Variants in SUMF1 observed in about 807,000 individuals in gnomAD.
SUMF1 encodes the protein sulfatase modifying factor 1.
A neutral mutation model predicts 47.6 loss-of-function variants in SUMF1; 48 were observed. The ratio of observed to expected loss-of-function variants is 1.01; its 90% CI spans 0.80 to 1.28. SUMF1 has a LOEUF of 1.28. SUMF1 is among the 50% of genes most tolerant of loss of function. SUMF1 has a pLI of 0.00. For missense variants in SUMF1, 571 were observed against 485.4 expected, an observed-to-expected ratio of 1.18 and a Z score of -1.66; for synonymous variants, 230 against 192.1, an observed-to-expected ratio of 1.20 and a Z score of -1.63.
At chr3:4,243,281 T>C (rs1252221468) in intron 8 of SUMF1, among the ~76,000 whole-genome samples, 2 of 152,192 alleles carry the variant, frequency 1.3e-5, no homozygotes, top group East Asian at 3.8e-4. Context: ...GCTCTGATCT[T>C]AGTTATTTCT....
In SUMF1 at chr3:4,160,752, T is replaced by C. The variant is rs532824060; in HGVS notation, c.1015-92007A>G. ...GTGTTATCTCTAATTTCTTTGTGTT[T>C]CTTCAAAACAGCTATTTTGACTTCT... On this transcript the variant is annotated intron_variant and NMD_transcript_variant, in intron 8 of 12. Coordinates refer to the SUMF1 transcript ENST00000448413. 5.3e-5 allele frequency among the ~76,000 whole-genome samples: 8 copies of C among 152,270 alleles called. No individual in the cohort carries two copies. The East Asian group carries it at 9.7e-4, about 18-fold the overall frequency.
In SUMF1 at chr3:4,209,974, A is replaced by G. The variant is rs527337223; in HGVS notation, c.1015-141229T>C. ...CAGTGGCACGATCTCAGCTCACTGT[A>G]ACCTCCACCTCCTGGGTTCAAGCAA... On this transcript the variant is annotated intron_variant and NMD_transcript_variant, in intron 8 of 12. Coordinates refer to the SUMF1 transcript ENST00000448413. 2.6e-5 allele frequency among the ~76,000 whole-genome samples: 4 copies of G among 152,250 alleles called. No individual in the cohort carries two copies. In the South Asian group the frequency reaches 8.3e-4, roughly 32 times the overall value.
chr3:4,306,042 A>G (rs575590234), intron 8 of SUMF1, among the ~76,000 whole-genome samples: 1 of 151,810 alleles, frequency 6.6e-6, no homozygotes, highest in African/African-American at 2.4e-5. Flanking sequence ...AATATATGCA[A>G]GGTGGTGGGT....
intron 8 of SUMF1, among the ~76,000 whole-genome samples, chr3:4,208,613 C>G (rs772879607): frequency 3.3e-5 from 5 of 151,524 alleles, no homozygotes; most frequent in Admixed American, 6.6e-5. Context: ...GAGTAACAAG[C>G]GGAGAGACGA....
intron 9 of SUMF1, among the ~76,000 whole-genome samples, chr3:4,038,064 G>T (rs1010226540): frequency 6.6e-6 from 1 of 152,168 alleles, no homozygotes; most frequent in African/African-American, 2.4e-5. Context: ...TCCCACTTAA[G>T]AGCTGGCTGT....
intron 8 of SUMF1, chr3:4,316,588 A>C (rs1698660246): frequency 6.4e-7 from 1 of 1,551,506 alleles, no homozygotes; most frequent in Non-Finnish European, 8.7e-7. Context: ...GAGCTGACTG[A>C]AAATCAAAAA....
intron 8 of SUMF1, among the ~76,000 whole-genome samples, chr3:4,138,050 TC>T (rs1342698560): frequency 6.6e-6 from 1 of 151,816 alleles, no homozygotes; most frequent in East Asian, 1.9e-4. Flanking sequence ...TTAAGAAAAC[TC>T]CCCATTTATA....
At chr3:4,342,962 G>C (rs1031878405) in intron 8 of SUMF1, among the ~76,000 whole-genome samples, 3 of 152,214 alleles carry the variant, frequency 2.0e-5, no homozygotes, top group Non-Finnish European at 4.4e-5. Context: ...GCTCCCAAGG[G>C]ATAAAAAAGC....
intron 8 of SUMF1, among the ~76,000 whole-genome samples, chr3:4,089,430 G>A (rs997396236): frequency 6.6e-6 from 1 of 152,084 alleles, no homozygotes; most frequent in East Asian, 1.9e-4. Flanking sequence ...AGAGAAATGT[G>A]TAATAAACAA....
At chr3:4,081,204 A>G (rs1274422951) in intron 8 of SUMF1, among the ~76,000 whole-genome samples, 1 of 152,174 alleles carries the variant, frequency 6.6e-6, no homozygotes, top group Non-Finnish European at 1.5e-5. Context: ...TGAGCAGGTC[A>G]GGACAGGACA....
intron 8 of SUMF1, among the ~76,000 whole-genome samples, chr3:4,194,314 T>A (rs1695383089): frequency 6.6e-6 from 1 of 152,174 alleles, no homozygotes; most frequent in African/African-American, 2.4e-5. Flanking sequence ...TGAACAATAT[T>A]TCTTATAACC....
intron 8 of SUMF1, among the ~76,000 whole-genome samples, chr3:4,078,047 G>A (rs928923727): frequency 1.3e-5 from 2 of 152,018 alleles, no homozygotes; most frequent in African/African-American, 4.8e-5. Context: ...CACAAATTAT[G>A]TAGCCAGCCC....
chr3:4,235,511 T>C (rs1478274960), intron 8 of SUMF1, among the ~76,000 whole-genome samples: 2 of 152,086 alleles, frequency 1.3e-5, no homozygotes, highest in African/African-American at 4.8e-5. Context: ...AACCAATTAG[T>C]AAATGACTAA....
At chr3:4,360,544 G>A (rs184025268), downstream of SUMF1, among the ~76,000 whole-genome samples, 12 of 152,046 alleles carry the variant, frequency 7.9e-5, no homozygotes, top group Non-Finnish European at 1.3e-4. Flanking sequence ...TGTTGGCCAA[G>A]CTAATCTCGA....
intron 8 of SUMF1, among the ~76,000 whole-genome samples, chr3:4,279,755 T>G (rs1377766115): frequency 6.6e-6 from 1 of 152,168 alleles, no homozygotes; most frequent in Non-Finnish European, 1.5e-5. Context: ...AGATAATTTT[T>G]TAAATGGAAC....
At chr3:4,180,700 A>ACACACACACACACAC (rs1553606606) in intron 8 of SUMF1, among the ~76,000 whole-genome samples, 1 of 151,424 alleles carries the variant, frequency 6.6e-6, no homozygotes, top group South Asian at 2.1e-4. Flanking sequence ...ACACACACAC[A>ACACACACACACACAC]AAATTAGCCA....
chr3:4,108,385 A>T lies in SUMF1; in HGVS notation c.1015-39640T>A, dbSNP rs140067341. On this transcript the variant is annotated intron_variant and NMD_transcript_variant, in intron 8 of 12. Coordinates refer to the SUMF1 transcript ENST00000448413. ...GAATAAGCGCAGTGTGGTGCTGAGAAGAATGTATATTCTGTTGATTTGGGG... is the reference window on the plus strand; with the variant it reads ...GAATAAGCGCAGTGTGGTGCTGAGATGAATGTATATTCTGTTGATTTGGGG... Among the ~76,000 whole-genome samples the T allele has an allele frequency of 8.9e-4, 136 of 152,254 alleles. 3 individuals carry two copies. The highest frequency in any genetic ancestry group is 3.2e-3 in the African/African-American group (132 of 41,502).
intron 8 of SUMF1, among the ~76,000 whole-genome samples, chr3:4,167,807 A>G (rs1358574679): frequency 6.6e-6 from 1 of 152,168 alleles, no homozygotes; most frequent in East Asian, 1.9e-4. Flanking sequence ...TGATGAGGTA[A>G]TATATCTCTT....
At chr3:4,343,848 T>A (rs1248962739) in intron 8 of SUMF1, among the ~76,000 whole-genome samples, 3 of 152,172 alleles carry the variant, frequency 2.0e-5, no homozygotes, top group Admixed American at 2.0e-4. Flanking sequence ...AAGATATAAA[T>A]AGGTACAAAT....
Sources: gnomAD v4.1 joint callset for allele counts (sites outside exome capture counted in the v4.1 genomes callset) on GRCh38, gnomAD v4.1.1 for gene constraint, MANE v1.5 for transcripts, NCBI Gene and HGNC (gene_info 2026-07-23, HGNC 2026-07-21) for gene names.